CNBD1: variants seen among roughly 807,000 people sequenced by gnomAD.
CNBD1 encodes cyclic nucleotide-binding domain-containing protein 1.
Under a neutral mutation model 54.4 loss-of-function variants are expected in CNBD1, and 71 were observed. That is an observed-to-expected ratio of 1.30 (90% CI 1.08 to 1.59). The LOEUF is 1.59. Among genes scored for constraint, CNBD1 ranks in the 40% most tolerant of loss-of-function variants. CNBD1 has a pLI of 0.00. For synonymous variants in CNBD1, 182 were observed against 170.7 expected (o/e 1.07, Z -0.51); for missense variants, 659 against 518.0 (o/e 1.27, Z -2.64).
intron 4 of CNBD1, among the ~76,000 whole-genome samples, chr8:86,959,018 C>G (rs185772289): frequency 4.9e-4 from 74 of 152,258 alleles, no homozygotes; most frequent in African/African-American, 1.8e-3. Context: ...AGTTCTTCCT[C>G]CAGGAGTTCT....
chr8:86,933,169 A>G (rs113860413), intron 3 of CNBD1, among the ~76,000 whole-genome samples: 28 of 152,252 alleles, frequency 1.8e-4, no homozygotes, highest in African/African-American at 5.5e-4. Context: ...TTTGGAGTCT[A>G]TAATTTCTGA....
intron 4 of CNBD1, among the ~76,000 whole-genome samples, chr8:87,126,149 C>G (rs187052529): frequency 4.8e-4 from 73 of 152,038 alleles, no homozygotes; most frequent in Middle Eastern, 3.4e-3. Context: ...ATGAACAAGT[C>G]TATTTAAAGA....
intron 4 of CNBD1, among the ~76,000 whole-genome samples, chr8:87,100,155 A>G (rs1183408366): frequency 3.3e-5 from 5 of 152,176 alleles, no homozygotes; most frequent in African/African-American, 9.7e-5. Context: ...AATTAACCAT[A>G]GCATCGAGCA....
chr8:87,038,999 G>T (rs941259719), intron 4 of CNBD1, among the ~76,000 whole-genome samples: 4 of 152,086 alleles, frequency 2.6e-5, no homozygotes, highest in Non-Finnish European at 4.4e-5. Context: ...TCCCACTATA[G>T]GCTGTTAGCA....
intron 2 of CNBD1, among the ~76,000 whole-genome samples, chr8:87,388,599 G>T (rs1268857685): frequency 1.3e-5 from 2 of 152,120 alleles, no homozygotes; most frequent in Non-Finnish European, 2.9e-5. Context: ...TGAAATTGAG[G>T]CAACAATTAA....
At chr8:87,146,932 A>G (rs1812502938) in intron 4 of CNBD1, among the ~76,000 whole-genome samples, 1 of 152,142 alleles carries the variant, frequency 6.6e-6, no homozygotes, top group Non-Finnish European at 1.5e-5. Context: ...AAATCAAATT[A>G]TGTTCATTAT....
chr8:87,052,287 AG>A (rs1810327810), intron 4 of CNBD1, among the ~76,000 whole-genome samples: 1 of 152,128 alleles, frequency 6.6e-6, no homozygotes, highest in African/African-American at 2.4e-5. Flanking sequence ...TTCTGATATC[AG>A]GGGTTGTCTG....
chr8:87,019,554 A>G (rs1187470558), intron 4 of CNBD1, among the ~76,000 whole-genome samples: 1 of 152,192 alleles, frequency 6.6e-6, no homozygotes, highest in Non-Finnish European at 1.5e-5. Flanking sequence ...TCAGGATGCT[A>G]TATCTATAAA....
intron 8 of CNBD1, among the ~76,000 whole-genome samples, chr8:87,314,085 CAAG>C (rs1809331361): frequency 6.6e-6 from 1 of 151,618 alleles, no homozygotes; most frequent in African/African-American, 2.4e-5. Context: ...ATTACATTTT[CAAG>C]AAGTAGATGA....
intron 8 of CNBD1, among the ~76,000 whole-genome samples, chr8:87,306,669 C>G (rs1253118891): frequency 1.1e-4 from 16 of 152,032 alleles, no homozygotes; most frequent in African/African-American, 3.6e-4. Flanking sequence ...GGATGGAAAA[C>G]CAAACATCAT....
intron 4 of CNBD1, among the ~76,000 whole-genome samples, chr8:87,078,609 G>A (rs1227130047): frequency 1.3e-5 from 2 of 152,076 alleles, no homozygotes; most frequent in African/African-American, 4.8e-5. Context: ...CTCCATTTAC[G>A]AGGAGTTTGC....
intron 4 of CNBD1, among the ~76,000 whole-genome samples, chr8:86,943,238 G>A (rs969800233): frequency 5.9e-5 from 9 of 151,640 alleles, no homozygotes; most frequent in Admixed American, 5.3e-4. Context: ...AAAATTAGCT[G>A]GGTGTGGTGG....
chr8:86,869,119 C>G (rs779958733), intron 1 of CNBD1, among the ~76,000 whole-genome samples: 6 of 152,118 alleles, frequency 3.9e-5, no homozygotes, highest in Non-Finnish European at 8.8e-5. Context: ...GTGATTTTAG[C>G]CCAGTGAAAT....
chr8:87,187,046 C>T (rs192246088), intron 4 of CNBD1, among the ~76,000 whole-genome samples: 1 of 152,032 alleles, frequency 6.6e-6, no homozygotes, highest in East Asian at 1.9e-4. Flanking sequence ...ACATAATTGA[C>T]AATATTATGC....
intron 4 of CNBD1, among the ~76,000 whole-genome samples, chr8:87,084,019 G>A (rs1391065619): frequency 6.6e-6 from 1 of 152,124 alleles, no homozygotes; most frequent in Non-Finnish European, 1.5e-5. Context: ...ATGGCCCATG[G>A]TCACTCATAT....
intron 3 of CNBD1, among the ~76,000 whole-genome samples, chr8:86,909,542 T>C (rs1268306480): frequency 1.3e-5 from 2 of 152,332 alleles, no homozygotes. Flanking sequence ...TTTTTTTTAT[T>C]ATACTTTCAG....
Position 87,011,707 on chromosome 8 carries a change from T to C in CNBD1, c.431+71953T>C, listed in dbSNP as rs185938734. Among the ~76,000 whole-genome samples the C allele has an allele frequency of 3.8e-3, 580 of 152,306 alleles. 3 individuals are homozygous for C. The highest frequency in any genetic ancestry group is 4.0e-3 in the Non-Finnish European group (271 of 68,020). On this transcript the variant is annotated intron_variant, in intron 4 of 10. Transcript: ENST00000518476. ...ATTATATAGAAAGAACACATTTTCTTCTTTTCTACTTTAGGAGTTTTAAGA... is the reference window on the plus strand; with the variant it reads ...ATTATATAGAAAGAACACATTTTCTCCTTTTCTACTTTAGGAGTTTTAAGA...
intron 4 of CNBD1, among the ~76,000 whole-genome samples, chr8:87,175,812 C>A (rs1813185261): frequency 6.6e-6 from 1 of 152,172 alleles, no homozygotes; most frequent in Non-Finnish European, 1.5e-5. Context: ...GTCCTTGTGT[C>A]CTAGACTGTG....
At chr8:87,255,995 A>G in intron 6 of CNBD1, among the ~76,000 whole-genome samples, 1 of 15,662 alleles carries the variant, frequency 6.4e-5, no homozygotes, top group East Asian at 1.5e-3. Context: ...ATATATATAT[A>G]TATATATATA....
Sources: gnomAD v4.1 joint callset for allele counts (sites outside exome capture counted in the v4.1 genomes callset) on GRCh38, gnomAD v4.1.1 for gene constraint, MANE v1.5 for transcripts, NCBI Gene and HGNC (gene_info 2026-07-23, HGNC 2026-07-21) for gene names.